The following IGF2BP2 variants were observed in gnomAD, a reference collection of about 807,000 sequenced individuals.
IGF2BP2 encodes insulin-like growth factor 2 mRNA-binding protein 2.
A neutral mutation model predicts 75.8 loss-of-function variants in IGF2BP2; 17 were observed. The ratio of observed to expected loss-of-function variants is 0.22; its 90% CI spans 0.15 to 0.34. IGF2BP2 has a LOEUF of 0.34. Ranked by LOEUF, IGF2BP2 falls within the 10% of genes least tolerant of loss-of-function variation. IGF2BP2 has a pLI of 1.00. For synonymous variants in IGF2BP2, 288 were observed against 295.6 expected (o/e 0.97, Z 0.26); for missense variants, 516 against 772.4 (o/e 0.67, Z 3.93).
At position 185,762,366 on chromosome 3, in the gene IGF2BP2, T is replaced by TA. The variant is rs529395141; in HGVS notation, c.239+60786dup. ...AACATGGTGAAACCCAGGCTTTACTTAAAAAAAAAAAAAAAAAAAAGCCGG... is the reference window on the plus strand; with the variant it reads ...AACATGGTGAAACCCAGGCTTTACTTAAAAAAAAAAAAAAAAAAAAAGCCGG... On this transcript the variant is annotated intron_variant, in intron 2 of 15. Transcript: ENST00000382199. 7.3e-3 allele frequency among the ~76,000 whole-genome samples: 767 copies of TA among 105,454 alleles called. 10 individuals are homozygous for TA. Among genetic ancestry groups the TA allele is most frequent in the African/African-American group, 0.014 (383 of 26,768 alleles). The allele number at this position is 105,454 out of a possible 152,430, so 69.2% of individuals were successfully genotyped here.
At chr3:185,784,259 T>TTGATAGAC (rs1735576525) in intron 2 of IGF2BP2, among the ~76,000 whole-genome samples, 1 of 107,318 alleles carries the variant, frequency 9.3e-6, no homozygotes, top group South Asian at 2.9e-4. Context: ...AGTAGATAGA[T>TTGATAGAC]AGATAGATAG....
chr3:185,665,169 TA>T (rs869141172), intron 10 of IGF2BP2, among the ~76,000 whole-genome samples: 170 of 96,742 alleles, frequency 1.8e-3, no homozygotes, highest in Non-Finnish European at 2.2e-3. Context: ...CCCTGTTTCT[TA>T]AAAAAAAAAA....
At chr3:185,764,049 G>C (rs375664907) in intron 2 of IGF2BP2, among the ~76,000 whole-genome samples, 3 of 152,152 alleles carry the variant, frequency 2.0e-5, no homozygotes, top group African/African-American at 4.8e-5. Flanking sequence ...ATGTCATAGA[G>C]AGGATTTTTA....
intron 2 of IGF2BP2, chr3:185,712,691 C>T (rs1724982054): frequency 6.6e-6 from 1 of 151,828 alleles, no homozygotes; most frequent in African/African-American, 2.4e-5. Flanking sequence ...AGGTATCCCA[C>T]ATGGACCTTA....
intron 5 of IGF2BP2, among the ~76,000 whole-genome samples, chr3:185,689,998 G>GC (rs1721733672): frequency 6.7e-6 from 1 of 149,418 alleles, no homozygotes; most frequent in Admixed American, 6.7e-5. Flanking sequence ...AGACCCTCCC[G>GC]CAAGACTGGT....
At chr3:185,673,522 T>A (rs555098967) in intron 9 of IGF2BP2, among the ~76,000 whole-genome samples, 1 of 152,314 alleles carries the variant, frequency 6.6e-6, no homozygotes, top group African/African-American at 2.4e-5. Context: ...ATCTTACATT[T>A]CTACATGGGG....
rs780113944 is a variant in IGF2BP2, at chr3:185,687,198, G to A, written c.678-7C>T. 1 of 1,596,764 alleles carries A rather than the reference G, an allele frequency of 6.3e-7. No individual in the cohort carries two copies. Among genetic ancestry groups the A allele is most frequent in the Non-Finnish European group, 8.5e-7 (1 of 1,175,520 alleles). ...TTTTCTATGGATATCTACCCTGTAG[G>A]AAAAGAATCAGGAGCCATGATTACA... On this transcript the variant is annotated splice_region_variant and splice_polypyrimidine_tract_variant and intron_variant, in intron 6 of 15. Transcript: ENST00000382199.
At chr3:185,741,915 T>C (rs1219615027) in intron 2 of IGF2BP2, among the ~76,000 whole-genome samples, 2 of 152,162 alleles carry the variant, frequency 1.3e-5, no homozygotes, top group African/African-American at 2.4e-5. Flanking sequence ...CTGAGAAACA[T>C]GAACAACCCC....
chr3:185,712,355 A>G (rs1172226830), intron 2 of IGF2BP2, among the ~76,000 whole-genome samples: 1 of 152,218 alleles, frequency 6.6e-6, no homozygotes, highest in Admixed American at 6.5e-5. Context: ...TTCCTAGGGA[A>G]CAATGACGTA....
chr3:185,804,894 G>A (rs1395052135), intron 2 of IGF2BP2, among the ~76,000 whole-genome samples: 1 of 151,758 alleles, frequency 6.6e-6, no homozygotes, highest in Non-Finnish European at 1.5e-5. Flanking sequence ...TCGGGAGGCT[G>A]AGGCAGGAGA....
At chr3:185,737,275 A>G (rs913389249) in intron 2 of IGF2BP2, among the ~76,000 whole-genome samples, 49 of 152,150 alleles carry the variant, frequency 3.2e-4, no homozygotes, top group African/African-American at 1.1e-3. Context: ...ATCTGTCAAC[A>G]TCTTTCTGGA....
intron 7 of IGF2BP2, among the ~76,000 whole-genome samples, chr3:185,686,646 C>T (rs1268349299): frequency 1.3e-5 from 2 of 152,116 alleles, no homozygotes; most frequent in African/African-American, 4.8e-5. Flanking sequence ...CTACCAAACT[C>T]TGAGTAAAAA....
At chr3:185,820,235 T>TACAG (rs1683212882) in intron 2 of IGF2BP2, among the ~76,000 whole-genome samples, 1 of 102,762 alleles carries the variant, frequency 9.7e-6, no homozygotes, top group African/African-American at 3.7e-5. Context: ...TATATACACA[T>TACAG]ACACACACAC....
chr3:185,657,440 C>T (rs749619369), intron 11 of IGF2BP2, 38 bp from the exon 12 acceptor site: 1 of 1,504,386 alleles, frequency 6.6e-7, no homozygotes, highest in Non-Finnish European at 9.2e-7. Flanking sequence ...ATCATTCCAA[C>T]CAGGCTTTCT....
At position 185,643,772 on chromosome 3, in the gene IGF2BP2, T is replaced by G. The variant is rs1203503683; in HGVS notation, c.*1759A>C. On this transcript the variant is annotated 3_prime_UTR_variant, in exon 16 of 16. Transcript: ENST00000382199. Reference sequence around the variant, plus strand: ...GCTGGATATATTTCTGTTTTTTCTTTTTTTTTCTTTTTTTTTTTTTTTTTT... The same window carrying G: ...GCTGGATATATTTCTGTTTTTTCTTGTTTTTTCTTTTTTTTTTTTTTTTTT... 2.1e-5 allele frequency: 3 copies of G among 141,192 alleles called. No individual in the cohort carries two copies. Among genetic ancestry groups the G allele is most frequent in the Non-Finnish European group, 3.0e-5 (2 of 66,052 alleles). 8.7% of individuals were successfully genotyped at this position (141,192 alleles called of 1,614,324 possible).
chr3:185,657,906 C>T (rs2149098221), intron 11 of IGF2BP2, among the ~76,000 whole-genome samples: 1 of 152,284 alleles, frequency 6.6e-6, no homozygotes, highest in East Asian at 1.9e-4. Context: ...GGTGAACCAT[C>T]CCTCCTGGGA....
intron 2 of IGF2BP2, among the ~76,000 whole-genome samples, chr3:185,711,075 T>C (rs1041238559): frequency 6.6e-6 from 1 of 152,212 alleles, no homozygotes; most frequent in African/African-American, 2.4e-5. Context: ...AAGGAGCATA[T>C]AAATTATTCT....
intron 2 of IGF2BP2, among the ~76,000 whole-genome samples, chr3:185,756,373 TC>T: frequency 6.6e-6 from 1 of 152,182 alleles, no homozygotes; most frequent in East Asian, 1.9e-4. Flanking sequence ...TTACCCAGTC[TC>T]GGGTGTTCTT....
intron 2 of IGF2BP2, among the ~76,000 whole-genome samples, chr3:185,790,314 C>A (rs1414788924): frequency 6.6e-6 from 1 of 152,142 alleles, no homozygotes; most frequent in African/African-American, 2.4e-5. Context: ...CAAAGTCCCC[C>A]AAATACAATA....
Sources: gnomAD v4.1 joint callset for allele counts (sites outside exome capture counted in the v4.1 genomes callset) on GRCh38, gnomAD v4.1.1 for gene constraint, MANE v1.5 for transcripts, NCBI Gene and HGNC (gene_info 2026-07-23, HGNC 2026-07-21) for gene names.